Variants in MYO1E observed in about 807,000 individuals in gnomAD.
MYO1E encodes unconventional myosin-Ie.
Under a neutral mutation model 151.1 loss-of-function variants are expected in MYO1E, and 68 were observed. The observed-to-expected ratio is 0.45, with a 90% confidence interval of 0.37 to 0.55. The LOEUF is 0.55. MYO1E is among the 20% of genes least tolerant of loss of function. The pLI is 0.00. For missense variants in MYO1E, 1,363 were observed against 1,389.3 expected (o/e 0.98, Z 0.30); for synonymous variants, 601 against 501.7 (o/e 1.20, Z -2.64).
At chr15:59,210,123 C>T (rs1210404283) in intron 13 of MYO1E, among the ~76,000 whole-genome samples, 1 of 152,064 alleles carries the variant, frequency 6.6e-6, no homozygotes, top group African/African-American at 2.4e-5. Flanking sequence ...CTGCCTCAGC[C>T]TCCCAAAGTA....
intron 22 of MYO1E, among the ~76,000 whole-genome samples, chr15:59,166,250 T>C (rs528442015): frequency 1.3e-5 from 2 of 152,348 alleles, no homozygotes; most frequent in African/African-American, 2.4e-5. Flanking sequence ...CCCACGCTCC[T>C]GAACCTGAAA....
At chr15:59,371,522 C>G (rs541631050) in intron 1 of MYO1E, among the ~76,000 whole-genome samples, 1 of 151,508 alleles carries the variant, frequency 6.6e-6, no homozygotes, top group African/African-American at 2.4e-5. Flanking sequence ...CACGCCAAAG[C>G]CCAAGGGAGG....
chr15:59,179,131 T>C (rs2079643180), intron 18 of MYO1E, among the ~76,000 whole-genome samples: 1 of 152,068 alleles, frequency 6.6e-6, no homozygotes, highest in Non-Finnish European at 1.5e-5. Context: ...TGCCCTTTCC[T>C]TCCTCGGCGC....
chr15:59,194,426 A>G (rs1018936413), intron 17 of MYO1E, among the ~76,000 whole-genome samples: 4 of 152,182 alleles, frequency 2.6e-5, no homozygotes, highest in African/African-American at 7.2e-5. Flanking sequence ...TCTATCTGCC[A>G]TGGTTTAGGA....
chr15:59,298,873 A>G (rs1486598163), intron 1 of MYO1E, among the ~76,000 whole-genome samples: 1 of 152,204 alleles, frequency 6.6e-6, no homozygotes, highest in African/African-American at 2.4e-5. Context: ...CCACAAGGGA[A>G]TCTGCTGCCA....
rs201037244 is a variant in MYO1E, at chr15:59,173,834, T to A, written c.2246A>T (p.Glu749Val). 92 of 1,613,960 alleles carry A rather than the reference T, an allele frequency of 5.7e-5. No homozygotes were observed. The highest frequency in any genetic ancestry group is 1.0e-5 in the Non-Finnish European group (12 of 1,179,952). Residue 749 changes from glutamate to valine, a missense_variant, in exon 21 of 28, where the codon GAA becomes GTA. Coordinates refer to ENST00000288235, the MANE Select transcript of MYO1E (RefSeq NM_004998.4). ...GAACTGCTGGAGTTCTGGGTGCTCTTCCATCCCAATATAATCCCCTATAAA... is the reference window on the plus strand; with the variant it reads ...GAACTGCTGGAGTTCTGGGTGCTCTACCATCCCAATATAATCCCCTATAAA... The part of the protein sequence containing the change: ...RNFIGDYIGM[E>V]EHPELQQFVG...
intron 17 of MYO1E, among the ~76,000 whole-genome samples, chr15:59,191,364 G>C (rs895898457): frequency 6.7e-6 from 1 of 150,332 alleles, no homozygotes; most frequent in Non-Finnish European, 1.5e-5. Context: ...GAGAGAGAGA[G>C]AGAGAAAGAA....
At chr15:59,344,643 T>C (rs2080783884) in intron 1 of MYO1E, among the ~76,000 whole-genome samples, 1 of 152,212 alleles carries the variant, frequency 6.6e-6, no homozygotes, top group South Asian at 2.1e-4. Flanking sequence ...AACCAGGGTC[T>C]GGAGTCAGAA....
intron 1 of MYO1E, among the ~76,000 whole-genome samples, chr15:59,324,718 G>A (rs1038361393): frequency 2.0e-5 from 3 of 151,746 alleles, no homozygotes; most frequent in East Asian, 1.9e-4. Context: ...TTGGTTGGAT[G>A]AATGCTCAAG....
chr15:59,236,116 C>G (rs1034988440), intron 5 of MYO1E, among the ~76,000 whole-genome samples: 1 of 151,838 alleles, frequency 6.6e-6, no homozygotes, highest in African/African-American at 2.4e-5. Context: ...CCGAGGAGGG[C>G]AGATCACCTG....
chr15:59,340,697 T>G (rs185646321), intron 1 of MYO1E, among the ~76,000 whole-genome samples: 7 of 152,304 alleles, frequency 4.6e-5, no homozygotes, highest in African/African-American at 7.2e-5. Flanking sequence ...TAATATTTGG[T>G]TTTTATTCAG....
chr15:59,180,566 C>T lies in MYO1E; in HGVS notation c.1905-2029G>A, dbSNP rs142564637. Among the ~76,000 whole-genome samples the T allele has an allele frequency of 2.0e-3, 304 of 149,846 alleles. 1 individual carries two copies. The highest frequency in any genetic ancestry group is 3.7e-3 in the Non-Finnish European group (252 of 67,644). The stretch of plus-strand genomic sequence containing the variant: ...TCTCTTTTTTTTTTTTTAATGGTAA[C>T]GAACCTTGCAGAGACTTTCTCTCCC... On this transcript the variant is annotated intron_variant, in intron 18 of 27. Coordinates refer to ENST00000288235, the MANE Select transcript of MYO1E (RefSeq NM_004998.4).
chr15:59,279,606 C>A (rs2080341230), intron 1 of MYO1E, among the ~76,000 whole-genome samples: 1 of 152,142 alleles, frequency 6.6e-6, no homozygotes, highest in African/African-American at 2.4e-5. Context: ...TAACACTACA[C>A]TCCCCCCTGG....
At chr15:59,264,826 G>C (rs1198247834) in intron 2 of MYO1E, 3 of 152,258 alleles carry the variant, frequency 2.0e-5, no homozygotes, top group Admixed American at 2.0e-4. Context: ...TTCGAAACCA[G>C]CCTGGGCAAT....
chr15:59,312,411 G>A lies in MYO1E; in HGVS notation c.4-39962C>T, dbSNP rs117092471. On this transcript the variant is annotated intron_variant, in intron 1 of 27. Transcript: ENST00000288235. Reference sequence around the variant, plus strand: ...AAGCAGAGGACTCAGCCACTGGGACGAGGGGGACTTTCCAGGGACAACACA... The same window carrying A: ...AAGCAGAGGACTCAGCCACTGGGACAAGGGGGACTTTCCAGGGACAACACA... 4.8e-3 allele frequency among the ~76,000 whole-genome samples: 732 copies of A among 152,302 alleles called. 4 individuals are homozygous for A. Among genetic ancestry groups the A allele is most frequent in the Middle Eastern group, 0.031 (9 of 294 alleles).
rs1462368133 is a variant in MYO1E at position 59,256,314 on chromosome 15, A to T, written c.302T>A (p.Ile101Asn). ...LADNMYRNMI[I>N]DRENQCVIIS... ...AATGACGCACTGGTTCTCTCTGTCA[A>T]TGATCATGTTTCTGTACATATTATC... Residue 101 changes from isoleucine (I) to asparagine (N), a missense_variant, in exon 4 of 28, where the codon ATT (isoleucine) becomes AAT (asparagine). By Grantham distance (149) the Ile-to-Asn change is moderately radical. Coordinates refer to ENST00000288235, the MANE Select transcript of MYO1E (RefSeq NM_004998.4). 1.2e-6 allele frequency: 2 copies of T among 1,612,866 alleles called. No homozygotes were observed. Among genetic ancestry groups the T allele is most frequent in the East Asian group, 4.5e-5 (2 of 44,838 alleles).
At chr15:59,285,530 C>CT (rs1370015711) in intron 1 of MYO1E, among the ~76,000 whole-genome samples, 6 of 151,580 alleles carry the variant, frequency 4.0e-5, no homozygotes, top group South Asian at 2.1e-4. Context: ...CCAGCTAATT[C>CT]TTTTTTGTGT....
At chr15:59,172,423 G>C (rs1384986602) in intron 21 of MYO1E, among the ~76,000 whole-genome samples, 1 of 152,220 alleles carries the variant, frequency 6.6e-6, no homozygotes, top group East Asian at 1.9e-4. Context: ...CTGTTACCAG[G>C]ACAGGGGGAA....
chr15:59,221,725 T>C (rs539612869), intron 9 of MYO1E, among the ~76,000 whole-genome samples: 21 of 152,332 alleles, frequency 1.4e-4, no homozygotes, highest in Middle Eastern at 3.4e-3. Flanking sequence ...AGAAGACTAC[T>C]AACTCTGGAC....
Sources: allele counts gnomAD v4.1 joint callset (sites outside exome capture counted in the v4.1 genomes callset), GRCh38; gene constraint gnomAD v4.1.1; transcripts MANE v1.5; gene names NCBI Gene and HGNC (gene_info 2026-07-23, HGNC 2026-07-21).